The following MTUS2 variants were observed in gnomAD, a reference collection of about 807,000 sequenced individuals.
MTUS2 encodes the protein microtubule-associated tumor suppressor candidate 2.
In MTUS2, 40 loss-of-function variants were observed where a neutral mutation model predicts 114.1. The observed-to-expected ratio is 0.35, with a 90% confidence interval of 0.27 to 0.46. The LOEUF is 0.46. Ranked by LOEUF, MTUS2 falls within the 20% of genes least tolerant of loss-of-function variation. MTUS2 has a pLI of 1.00. For missense variants in MTUS2, 1,679 were observed against 1,705.4 expected (o/e 0.98, Z 0.27); for synonymous variants, 688 against 672.0 (o/e 1.02, Z -0.37).
chr13:29,423,453 A>G (rs1876267353), intron 8 of MTUS2, among the ~76,000 whole-genome samples: 1 of 152,234 alleles, frequency 6.6e-6, no homozygotes, highest in African/African-American at 2.4e-5. Flanking sequence ...TTCTTGTGTC[A>G]GGAAGCAAGG....
At chr13:29,414,501 A>C (rs1188216036) in intron 8 of MTUS2, among the ~76,000 whole-genome samples, 1 of 151,056 alleles carries the variant, frequency 6.6e-6, no homozygotes, top group Non-Finnish European at 1.5e-5. Context: ...GACTGTAGTG[A>C]AAATATTTGG....
At chr13:29,035,863 G>C (rs1016753253) in intron 4 of MTUS2, among the ~76,000 whole-genome samples, 2 of 152,052 alleles carry the variant, frequency 1.3e-5, no homozygotes, top group African/African-American at 4.8e-5. Flanking sequence ...AGAAAAACCA[G>C]GCTTGGCGTG....
chr13:29,180,514 T>A (rs1893953504), intron 5 of MTUS2, among the ~76,000 whole-genome samples: 1 of 152,252 alleles, frequency 6.6e-6, no homozygotes, highest in Non-Finnish European at 1.5e-5. Context: ...GTACATGAAC[T>A]GTTTCCTGGG....
chr13:28,896,887 A>G (rs1164479982), intron 2 of MTUS2, among the ~76,000 whole-genome samples: 3 of 152,246 alleles, frequency 2.0e-5, no homozygotes, highest in Non-Finnish European at 4.4e-5. Context: ...CTTACACCTT[A>G]TACAAAAATT....
At chr13:28,860,681 G>T (rs7334216) in intron 2 of MTUS2, among the ~76,000 whole-genome samples, 15,602 of 152,162 alleles carry the variant, frequency 0.1, 1,665 homozygotes, top group African/African-American at 0.27. Flanking sequence ...CACCTCAGAT[G>T]TTTCCCTGTG....
At position 29,503,271 on chromosome 13, in the gene MTUS2, C is replaced by T. The variant is rs889619921; in HGVS notation, c.*65C>T. The T allele has an allele frequency of 4.5e-6, 7 of 1,570,124 alleles. No homozygotes were observed. Among genetic ancestry groups the T allele is most frequent in the Non-Finnish European group, 6.1e-6 (7 of 1,150,694 alleles). ...TCCGGTCTCCACCCTGAGGGAGCACCGACCCGGTGCCGCCGGAGCTGGCCC... is the reference window on the plus strand; with the variant it reads ...TCCGGTCTCCACCCTGAGGGAGCACTGACCCGGTGCCGCCGGAGCTGGCCC... On this transcript the variant is annotated 3_prime_UTR_variant, in exon 16 of 16. Coordinates refer to ENST00000612955, the MANE Select transcript of MTUS2 (RefSeq NM_001033602.4).
rs984400691 is a variant in MTUS2, at chr13:29,480,085, G to A, written c.3185-65G>A. On this transcript the variant is annotated intron_variant, in intron 9 of 15. Transcript: ENST00000612955. The surrounding 1 kb of genome is among the most constrained non-coding windows in gnomAD (Gnocchi z 4.4). Reference sequence around the variant, plus strand: ...CCAGCCTTGATGATCTGACCATGGAGGCTGAGTCCTTCCCATGCCTCCTAC... The same window carrying A: ...CCAGCCTTGATGATCTGACCATGGAAGCTGAGTCCTTCCCATGCCTCCTAC... 2 of 1,496,120 alleles carry A rather than the reference G, an allele frequency of 1.3e-6. No homozygotes were observed. The highest frequency in any genetic ancestry group is 1.8e-6 in the Non-Finnish European group (2 of 1,101,016). The allele number at this position is 1,496,120 out of a possible 1,614,324, so 92.7% of individuals were successfully genotyped here. A position where few individuals can be genotyped will look rare whatever the true frequency, so the allele number is the denominator to read the frequency against.
chr13:28,870,275 A>G (rs913269073), intron 2 of MTUS2, among the ~76,000 whole-genome samples: 1 of 152,230 alleles, frequency 6.6e-6, no homozygotes, highest in Admixed American at 6.5e-5. Context: ...AATACCTTAG[A>G]TCTTAAGAAG....
In MTUS2 at chr13:29,487,925, A is replaced by C; in HGVS notation, c.3425A>C (p.Asp1142Ala). Residue 1142 changes from aspartate to alanine, a missense_variant, in exon 11 of 16, where the codon GAT becomes GCT. This residue lies in a region of MTUS2 where 822 missense variants were observed against 899.7 expected (regional missense o/e 0.91). Transcript: ENST00000612955. Reference sequence around the variant, plus strand: ...GTGGAAGATCTCACCGCCAGCCATGATGCTGCTCTCCTAGAGATGGAAAAT... The same window carrying C: ...GTGGAAGATCTCACCGCCAGCCATGCTGCTGCTCTCCTAGAGATGGAAAAT... ...EQVEDLTASHDAALLEMENNH... is the reference protein window; with the variant it reads ...EQVEDLTASHAAALLEMENNH... The C allele has an allele frequency of 6.2e-7, 1 of 1,614,142 alleles. No homozygotes were observed. Among genetic ancestry groups the C allele is most frequent in the South Asian group, 1.1e-5 (1 of 91,078 alleles).
At chr13:29,350,327 G>A (rs759329644) in intron 7 of MTUS2, among the ~76,000 whole-genome samples, 5 of 150,272 alleles carry the variant, frequency 3.3e-5, no homozygotes, top group South Asian at 2.1e-4. Context: ...AGTCTATCTC[G>A]TGTGCTTGTA....
chr13:28,908,344 A>T (rs1880184243), intron 2 of MTUS2, among the ~76,000 whole-genome samples: 1 of 151,170 alleles, frequency 6.6e-6, no homozygotes, highest in Non-Finnish European at 1.5e-5. Context: ...TCCTGTGTCC[A>T]TGTGTTCTCA....
chr13:29,231,624 A>G (rs941713079), intron 5 of MTUS2, among the ~76,000 whole-genome samples: 6 of 152,184 alleles, frequency 3.9e-5, no homozygotes, highest in Admixed American at 2.0e-4. Flanking sequence ...ACTTTTAAAA[A>G]CTCATCACCC....
Position 29,503,048 on chromosome 13 carries a change from GAGA to G in MTUS2, c.3959_3961del (p.Lys1320del). Reference sequence around the variant, plus strand: ...GGAATATGTTGAGAAGGAAACCCAGGAGAAGAAGAGATTGAGCCGAACCAATGA... The same window carrying G: ...GGAATATGTTGAGAAGGAAACCCAGGAGAAGAGATTGAGCCGAACCAATGA... On this transcript the variant is annotated inframe_deletion, in exon 16 of 16. Transcript: ENST00000612955. The G allele has an allele frequency of 3.7e-6, 6 of 1,614,226 alleles. No individual in the cohort carries two copies. The highest frequency in any genetic ancestry group is 2.2e-5 in the South Asian group (2 of 91,090).
At chr13:29,266,172 T>G (rs902768484) in intron 5 of MTUS2, among the ~76,000 whole-genome samples, 1 of 152,214 alleles carries the variant, frequency 6.6e-6, no homozygotes, top group South Asian at 2.1e-4. Context: ...CACTGAGTGC[T>G]GATATGTTCC....
chr13:29,389,373 GTA>G (rs201618816), intron 8 of MTUS2, among the ~76,000 whole-genome samples: 723 of 30,866 alleles, frequency 0.023, 79 homozygotes, highest in East Asian at 0.04. Context: ...GCACGTGTGT[GTA>G]TATATGTATA....
chr13:28,981,151 C>CT (rs1273115535), intron 2 of MTUS2, among the ~76,000 whole-genome samples: 2 of 152,184 alleles, frequency 1.3e-5, no homozygotes, highest in Non-Finnish European at 2.9e-5. Context: ...GAACTGTACA[C>CT]TTCAATGTGA....
chr13:29,494,320 T>A (rs1882387877), intron 12 of MTUS2, among the ~76,000 whole-genome samples: 1 of 152,234 alleles, frequency 6.6e-6, no homozygotes, highest in African/African-American at 2.4e-5. Context: ...GCCAGGTCTT[T>A]GTGCCTCTTA....
intron 2 of MTUS2, among the ~76,000 whole-genome samples, chr13:28,893,110 C>A (rs1285974498): frequency 6.6e-6 from 1 of 152,108 alleles, no homozygotes; most frequent in Admixed American, 6.5e-5. Flanking sequence ...TATGGAGGTT[C>A]TTACTGCAAG....
At chr13:29,013,740 G>A (rs1244629643) in intron 2 of MTUS2, among the ~76,000 whole-genome samples, 6 of 151,778 alleles carry the variant, frequency 4.0e-5, no homozygotes, top group African/African-American at 1.2e-4. Flanking sequence ...GTGAGTGGCC[G>A]CAGGCCAGCC....
Sources: gnomAD v4.1 joint callset for allele counts (sites outside exome capture counted in the v4.1 genomes callset) on GRCh38, gnomAD v4.1.1 for gene constraint, gnomAD v4.1.1 regional missense constraint, Gnocchi (gnomAD v3.1) non-coding constraint, MANE v1.5 for transcripts, NCBI Gene and HGNC (gene_info 2026-07-23, HGNC 2026-07-21) for gene names.